The following DNMT1 variants were observed in gnomAD, a reference collection of about 807,000 sequenced individuals.
DNMT1 encodes DNA (cytosine-5)-methyltransferase 1.
DNMT1 carries 24 observed loss-of-function variants against 205.3 expected under a neutral mutation model. The ratio of observed to expected loss-of-function variants is 0.12; its 90% CI spans 0.08 to 0.16. The LOEUF is 0.16. DNMT1 is among the 10% of genes least tolerant of loss of function. DNMT1 has a pLI of 1.00. For missense variants in DNMT1, 1,293 were observed against 2,177.7 expected (o/e 0.59, Z 8.09); for synonymous variants, 817 against 839.8 (o/e 0.97, Z 0.47).
chr19:10,154,740 G>A lies in DNMT1; in HGVS notation c.1678C>T (p.Arg560Cys), dbSNP rs375474222. The A allele has an allele frequency of 3.2e-5, 52 of 1,614,056 alleles. No individual in the cohort carries two copies. Among genetic ancestry groups the A allele is most frequent in the Non-Finnish European group, 4.0e-5 (47 of 1,180,038 alleles). Residue 560 changes from arginine (R) to cysteine (C), a missense_variant, in exon 21 of 41, where the codon CGC becomes TGC. Physicochemically the swap from Arg to Cys is radical, Grantham distance 180 (BLOSUM62 -3). Transcript: ENST00000359526. This position sits in a 1 kb window ranked among gnomAD's most constrained non-coding sequence, Gnocchi z 6.3. ...CGCAGGAGGGAGTCCTCTGTGAAGCGGTTCAAGTTGAGGCCAGAAGGAGGA... is the reference window on the plus strand; with the variant it reads ...CGCAGGAGGGAGTCCTCTGTGAAGCAGTTCAAGTTGAGGCCAGAAGGAGGA... ...TVPPSGLNLN[R>C]FTEDSLLRHA...
intron 33 of DNMT1, 81 bp downstream of exon 33, chr19:10,139,965 T>TGCAGG: frequency 6.3e-7 from 1 of 1,599,472 alleles, no homozygotes; most frequent in Non-Finnish European, 8.5e-7. Context: ...GAGGCCTCAG[T>TGCAGG]GCAGGGCGAA....
intron 1 of DNMT1, among the ~76,000 whole-genome samples, chr19:10,182,880 G>C (rs1372897556): frequency 6.6e-6 from 1 of 151,292 alleles, no homozygotes; most frequent in Non-Finnish European, 1.5e-5. Flanking sequence ...TGGTTAAGCT[G>C]GTCTTAGATT....
At position 10,140,428 on chromosome 19, in the gene DNMT1, G is replaced by A. The variant is rs1599346993; in HGVS notation, c.3524-100C>T. On this transcript the variant is annotated intron_variant, in intron 32 of 40. Coordinates refer to ENST00000359526, the MANE Select transcript of DNMT1 (RefSeq NM_001130823.3). The surrounding 1 kb of genome is among the most constrained non-coding windows in gnomAD (Gnocchi z 8.4). ...TCTGTCACCCAGGCTGGAGTGCAGT[G>A]GTGTGATCTTGGCTCACTGCAAGCT... The A allele has an allele frequency of 4.7e-6, 7 of 1,505,012 alleles. No homozygotes were observed. The East Asian group carries it at 9.7e-5, about 21-fold the overall frequency. The allele number at this position is 1,505,012 out of a possible 1,614,324, so 93.2% of individuals were successfully genotyped here.
intron 5 of DNMT1, 184 bp downstream of exon 5, chr19:10,180,003 A>G (rs572313145): frequency 6.2e-5 from 14 of 226,896 alleles, no homozygotes; most frequent in South Asian, 1.7e-4. Flanking sequence ...AAAAAAAAAA[A>G]AAAGAAAGAA....
rs1440048632 is a variant in DNMT1 at position 10,162,680 on chromosome 19, T to C, written c.995A>G (p.Asp332Gly). The C allele has an allele frequency of 6.2e-7, 1 of 1,613,112 alleles. No homozygotes were observed. Among genetic ancestry groups the C allele is most frequent in the Non-Finnish European group, 8.5e-7 (1 of 1,179,718 alleles). ...TGAGACCTTTACCTTTTCATCCTCGTCTTTTTCATCAGAAATCTGTGGATT... is the reference window on the plus strand; with the variant it reads ...TGAGACCTTTACCTTTTCATCCTCGCCTTTTTCATCAGAAATCTGTGGATT... ...KVNPQISDEK[D>G]EDEKEEKRRK... Residue 332 changes from aspartate to glycine, a missense_variant, in exon 13 of 41, where the codon GAC (aspartate) becomes GGC (glycine). Transcript: ENST00000359526.
At chr19:10,164,334 G>C (rs1378156769) in intron 11 of DNMT1, among the ~76,000 whole-genome samples, 2 of 152,058 alleles carry the variant, frequency 1.3e-5, no homozygotes, top group Non-Finnish European at 2.9e-5. Context: ...GTAGAGCTGG[G>C]GTTTCACCAT....
intron 6 of DNMT1, 94 bp from the exon 7 acceptor site, chr19:10,175,712 AG>A: frequency 8.3e-7 from 1 of 1,200,814 alleles, no homozygotes; most frequent in Non-Finnish European, 1.2e-6. Flanking sequence ...ATGTTGAAAG[AG>A]GCTTCAAGTT....
Position 10,156,513 on chromosome 19 carries a change from G to A in DNMT1, c.1281-4C>T. The A allele has an allele frequency of 6.2e-7, 1 of 1,609,486 alleles. No homozygotes were observed. Among genetic ancestry groups the A allele is most frequent in the Non-Finnish European group, 8.5e-7 (1 of 1,176,114 alleles). On this transcript the variant is annotated splice_region_variant and splice_polypyrimidine_tract_variant and intron_variant, in intron 17 of 40. Coordinates refer to ENST00000359526, the MANE Select transcript of DNMT1 (RefSeq NM_001130823.3). This position sits in a 1 kb window ranked among gnomAD's most constrained non-coding sequence, Gnocchi z 4.2. ...GTGACCGTGCTTACAGTACACACTA[G>A]ACAGGAAACAAAGCACATGCTTACC...
At chr19:10,192,239 C>G (rs1599413483) in intron 1 of DNMT1, among the ~76,000 whole-genome samples, 1 of 151,838 alleles carries the variant, frequency 6.6e-6, no homozygotes, top group South Asian at 2.1e-4. Flanking sequence ...TAAGCCATGA[C>G]TGTGCCACTG....
chr19:10,183,021 A>G (rs919559571), intron 1 of DNMT1, among the ~76,000 whole-genome samples: 1 of 150,890 alleles, frequency 6.6e-6, no homozygotes, highest in Middle Eastern at 3.5e-3. Context: ...ATATACATAT[A>G]TATGTGTATA....
chr19:10,143,651 A>G, intron 29 of DNMT1, 115 bp downstream of exon 29: 2 of 1,176,096 alleles, frequency 1.7e-6, no homozygotes, highest in South Asian at 2.5e-5. Flanking sequence ...TTGGAAAAAC[A>G]GCTACTTCAA....
chr19:10,172,988 T>C, intron 9 of DNMT1, 102 bp downstream of exon 9: 1 of 1,358,412 alleles, frequency 7.4e-7, no homozygotes, highest in Non-Finnish European at 1.0e-6. Flanking sequence ...ACCCATCTTG[T>C]TCTTCCACGT....
At chr19:10,187,287 C>A (rs771059664) in intron 1 of DNMT1, among the ~76,000 whole-genome samples, 10 of 151,940 alleles carry the variant, frequency 6.6e-5, no homozygotes, top group Non-Finnish European at 8.8e-5. Context: ...AACACCTCTA[C>A]GCCAGAAATG....
chr19:10,174,589 C>A (rs1203587527), intron 7 of DNMT1, among the ~76,000 whole-genome samples: 6 of 152,008 alleles, frequency 3.9e-5, no homozygotes, highest in Non-Finnish European at 2.9e-5. Flanking sequence ...GCCTTGTAGT[C>A]TCAGCTACTC....
In DNMT1 at chr19:10,151,653, C is replaced by T; in HGVS notation, c.2117+97G>A. On this transcript the variant is annotated intron_variant, in intron 23 of 40. Coordinates refer to ENST00000359526, the MANE Select transcript of DNMT1 (RefSeq NM_001130823.3). The surrounding 1 kb of genome is among the most constrained non-coding windows in gnomAD (Gnocchi z 5.0). ...CTGAGACAATGCCTAACGAAGGAAT[C>T]CTGGTGCTGTCCCACACATGCAGGC... 1 of 1,607,890 alleles carries T rather than the reference C, an allele frequency of 6.2e-7. No homozygotes were observed. Among genetic ancestry groups the T allele is most frequent in the Admixed American group, 1.7e-5 (1 of 60,002 alleles).
At chr19:10,148,116 C>CAAAAAAAAAAAAAAAAAAAAAATAAA (rs2038240657) in intron 27 of DNMT1, among the ~76,000 whole-genome samples, 1 of 59,292 alleles carries the variant, frequency 1.7e-5, no homozygotes, top group Non-Finnish European at 3.1e-5. Context: ...AACTCTGTCT[C>CAAAAAAAAAAAAAAAAAAAAAATAAA]AAAAAAAAAA....
rs773966696 is a variant in DNMT1, at chr19:10,146,566, G to T, written c.2721-42C>A. ...GACAGAAACATAAGGCCCTGAGGTG[G>T]CCGGCAGTGGCCGCAGCAGCTACTG... On this transcript the variant is annotated intron_variant, in intron 27 of 40. Transcript: ENST00000359526. The surrounding 1 kb of genome is among the most constrained non-coding windows in gnomAD (Gnocchi z 4.4). 18 of 1,611,818 alleles carry T rather than the reference G, an allele frequency of 1.1e-5. No individual in the cohort carries two copies. Among genetic ancestry groups the T allele is most frequent in the African/African-American group, 2.7e-5 (2 of 74,904 alleles).
Position 10,140,605 on chromosome 19 carries a change from T to C in DNMT1, c.3523+176A>G, listed in dbSNP as rs1483199805. 1 of 1,150,072 alleles carries C rather than the reference T, an allele frequency of 8.7e-7. No individual in the cohort carries two copies. The highest frequency in any genetic ancestry group is 1.3e-6 in the Non-Finnish European group (1 of 791,432). 71.2% of individuals were successfully genotyped at this position (1,150,072 alleles called of 1,614,324 possible). A position where few individuals can be genotyped will look rare whatever the true frequency, so the allele number is the denominator to read the frequency against. On this transcript the variant is annotated intron_variant, in intron 32 of 40. Transcript: ENST00000359526. This position sits in a 1 kb window ranked among gnomAD's most constrained non-coding sequence, Gnocchi z 8.4. The stretch of plus-strand genomic sequence containing the variant: ...GGATGGTCTCAAACTCCTGACCTCA[T>C]GATCCACCCACCTCGGCCTCCCAAA...
At chr19:10,175,820 T>C (rs2038928671) in intron 6 of DNMT1, among the ~76,000 whole-genome samples, 1 of 152,138 alleles carries the variant, frequency 6.6e-6, no homozygotes, top group Non-Finnish European at 1.5e-5. Context: ...GCTGCTAGTG[T>C]CAGAGAAGAG....
Sources: gnomAD v4.1 joint callset for allele counts (sites outside exome capture counted in the v4.1 genomes callset) on GRCh38, gnomAD v4.1.1 for gene constraint, Gnocchi (gnomAD v3.1) non-coding constraint, MANE v1.5 for transcripts, NCBI Gene and HGNC (gene_info 2026-07-23, HGNC 2026-07-21) for gene names.